The following RPS3 variants were observed in gnomAD, a reference collection of about 807,000 sequenced individuals.
RPS3 encodes the protein small ribosomal subunit protein uS3.
Under a neutral mutation model 25.8 loss-of-function variants are expected in RPS3, and 2 were observed. The observed-to-expected ratio is 0.08, with a 90% CI of 0.03 to 0.24. The LOEUF is 0.24. RPS3 is among the 10% of genes least tolerant of loss of function. The pLI, the probability that RPS3 is intolerant of heterozygous loss-of-function variation, is 1.00. For missense variants in RPS3, 107 were observed against 307.1 expected, an observed-to-expected ratio of 0.35 and a Z score of 4.87; for synonymous variants, 114 against 114.2, an observed-to-expected ratio of 1.00 and a Z score of 0.01.
intron 4 of RPS3, 152 bp downstream of exon 4, chr11:75,402,598 A>C (rs1948227776): frequency 2.7e-6 from 2 of 740,232 alleles, no homozygotes; most frequent in African/African-American, 3.5e-5. Context: ...GCCCTCACTG[A>C]ACTGGCAGGC....
intron 6 of RPS3, chr11:75,405,139 A>G (rs915709845): frequency 7.6e-6 from 2 of 263,824 alleles, no homozygotes; most frequent in African/African-American, 4.5e-5. Flanking sequence ...ATTTGCTCAA[A>G]ATTTTTGGCT....
rs1026828266 is a variant in RPS3 at position 75,404,976 on chromosome 11, T to A, written c.*3+108T>A. 1 of 762,048 alleles carries A rather than the reference T, an allele frequency of 1.3e-6. No homozygotes were observed. The highest frequency in any genetic ancestry group is 2.0e-6 in the Non-Finnish European group (1 of 492,926). The allele number at this position is 762,048 out of a possible 1,614,324, so 47.2% of individuals were successfully genotyped here. On this transcript the variant is annotated intron_variant, in intron 6 of 6. Coordinates refer to ENST00000531188, the MANE Select transcript of RPS3 (RefSeq NM_001005.5). The surrounding 1 kb of genome is among the most constrained non-coding windows in gnomAD (Gnocchi z 4.6). ...GGTAAGCGTTTGGTGAATAAAAATT[T>A]CATTTATTTGCTTTATGTGGGAGAA...
At position 75,404,429 on chromosome 11, in the gene RPS3, A is replaced by G. The variant is rs757584672; in HGVS notation, c.538+222A>G. 1.3e-6 allele frequency: 1 copy of G among 782,098 alleles called. No homozygotes were observed. Among genetic ancestry groups the G allele is most frequent in the East Asian group, 2.4e-5 (1 of 40,884 alleles). 48.4% of individuals were successfully genotyped at this position (782,098 alleles called of 1,614,324 possible). Reference sequence around the variant, plus strand: ...TTAGCCATCTGTGTACCCTTCAGTGATGACACGATGACGAGTCAGAAAGGT... The same window carrying G: ...TTAGCCATCTGTGTACCCTTCAGTGGTGACACGATGACGAGTCAGAAAGGT... On this transcript the variant is annotated intron_variant, in intron 5 of 6. Transcript: ENST00000531188. The surrounding 1 kb of genome is among the most constrained non-coding windows in gnomAD (Gnocchi z 4.6).
chr11:75,400,741 T>C lies in RPS3; in HGVS notation c.78T>C (p.Thr26=), dbSNP rs894688485. The C allele has an allele frequency of 6.2e-7, 1 of 1,613,376 alleles. No homozygotes were observed. The highest frequency in any genetic ancestry group is 1.1e-5 in the South Asian group (1 of 91,050). ...IFKAELNEFL[T]RELAEDGYSG... is the part of the protein sequence containing the mutation. ...AAGCTGAACTGAATGAGTTTCTTAC[T>C]CGGGAGCTGGCTGAAGATGGCTACT... The change falls in exon 2 of 7, where the codon ACT becomes ACC. Residue 26 remains threonine, a synonymous_variant. Transcript: ENST00000531188.
intron 1 of RPS3, chr11:75,400,420 C>G (rs748180397): frequency 2.5e-5 from 14 of 558,394 alleles, no homozygotes; most frequent in Non-Finnish European, 4.5e-5. Context: ...ACGAGTCTGA[C>G]TTGGGGATGT....
intron 1 of RPS3, 49 bp from the exon 2 acceptor site, chr11:75,400,645 T>G: frequency 1.2e-6 from 2 of 1,600,496 alleles, no homozygotes; most frequent in South Asian, 1.1e-5. Flanking sequence ...CAGGCGAAAG[T>G]GAGCCTACAC....
At chr11:75,401,888 C>A (rs1948214916) in intron 3 of RPS3, 155 bp downstream of exon 3, 2 of 604,580 alleles carry the variant, frequency 3.3e-6, no homozygotes, top group South Asian at 2.1e-5. Context: ...CTTTGTAAGC[C>A]TATTCTGCTA....
intron 2 of RPS3, among the ~76,000 whole-genome samples, chr11:75,401,309 C>T (rs1948206471): frequency 6.6e-6 from 1 of 152,098 alleles, no homozygotes; most frequent in Admixed American, 6.5e-5. Flanking sequence ...AATTCAAGAT[C>T]AGCCGGGGCA....
chr11:75,410,048 G>T (rs1467216381), downstream of RPS3, among the ~76,000 whole-genome samples: 1 of 144,558 alleles, frequency 6.9e-6, no homozygotes, highest in African/African-American at 2.6e-5. Flanking sequence ...CCCGGACGGG[G>T]CGGCTGGCCA....
chr11:75,408,634 G>T (rs528202950), downstream of RPS3, among the ~76,000 whole-genome samples: 1 of 152,252 alleles, frequency 6.6e-6, no homozygotes, highest in Admixed American at 6.5e-5. Flanking sequence ...CTGGAGTGCA[G>T]TAGCACAATC....
intron 1 of RPS3, chr11:75,399,790 G>A (rs1413203273): frequency 1.2e-5 from 7 of 569,918 alleles, no homozygotes; most frequent in Non-Finnish European, 2.2e-5. Flanking sequence ...AGCGCAGAGA[G>A]ATGGGCACCA....
At chr11:75,421,349 C>T (rs1370901899) in intron 6 of RPS3, among the ~76,000 whole-genome samples, 4 of 152,208 alleles carry the variant, frequency 2.6e-5, no homozygotes, top group Non-Finnish European at 5.9e-5. Flanking sequence ...GATCGCTCTT[C>T]TTCCAAAGGC....
downstream of RPS3, among the ~76,000 whole-genome samples, chr11:75,410,072 C>T: frequency 7.8e-6 from 1 of 127,654 alleles, no homozygotes; most frequent in African/African-American, 3.2e-5. Flanking sequence ...GGGGGGCTGA[C>T]CCCCCCCTCC....
Position 75,400,984 on chromosome 11 carries a change from G to A in RPS3, c.161+160G>A, listed in dbSNP as rs17887020. Among the ~76,000 whole-genome samples the A allele has an allele frequency of 1.2e-4, 18 of 152,234 alleles. No individual in the cohort carries two copies. The South Asian group carries it at 3.5e-3, about 30-fold the overall frequency. Reference sequence around the variant, plus strand: ...TGCAAGCTCCGCCTCCCGGGTTCACGCCATTCTCCTGCGTCAGCCTCCCGA... The same window carrying A: ...TGCAAGCTCCGCCTCCCGGGTTCACACCATTCTCCTGCGTCAGCCTCCCGA... On this transcript the variant is annotated intron_variant, in intron 2 of 6. Transcript: ENST00000531188.
Position 75,402,264 on chromosome 11 carries a change from G to A in RPS3, c.256-88G>A, listed in dbSNP as rs772532026. 313 of 1,585,314 alleles carry A rather than the reference G, an allele frequency of 2.0e-4. 1 individual carries two copies. Among genetic ancestry groups the A allele is most frequent in the Admixed American group, 1.0e-3 (60 of 59,534 alleles). On this transcript the variant is annotated intron_variant, in intron 3 of 6. Transcript: ENST00000531188. Reference sequence around the variant, plus strand: ...GGGTTGGGCAAGCTTGGTGTAGAAAGTGATACTTGTGTGGCAAATGCCAAA... The same window carrying A: ...GGGTTGGGCAAGCTTGGTGTAGAAAATGATACTTGTGTGGCAAATGCCAAA...
intron 4 of RPS3, chr11:75,403,366 T>C (rs925475161): frequency 2.0e-5 from 3 of 152,292 alleles, no homozygotes; most frequent in Non-Finnish European, 4.4e-5. Context: ...ATCTGTTATC[T>C]TCTAAGGTGG....
Position 75,405,817 on chromosome 11 carries a change from A to G in RPS3, c.*207A>G. 1 of 283,826 alleles carries G rather than the reference A, an allele frequency of 3.5e-6. No homozygotes were observed. Among genetic ancestry groups the G allele is most frequent in the Non-Finnish European group, 7.0e-6 (1 of 142,018 alleles). 17.6% of individuals were successfully genotyped at this position (283,826 alleles called of 1,614,324 possible). A position where few individuals can be genotyped will look rare whatever the true frequency, so the allele number is the denominator to read the frequency against. On this transcript the variant is annotated 3_prime_UTR_variant, in exon 7 of 7. Transcript: ENST00000531188. The stretch of plus-strand genomic sequence containing the variant: ...GGCCAGAACAGTAAGACCCAAGCAG[A>G]GCCAACCAGAGAAATAATATTTGTG...
chr11:75,402,531 G>C, intron 4 of RPS3, 85 bp downstream of exon 4: 1 of 1,388,806 alleles, frequency 7.2e-7, no homozygotes, highest in Non-Finnish European at 1.0e-6. Context: ...CAGATGAACT[G>C]TTACAAAGTT....
rs17883451 is a variant in RPS3, at chr11:75,401,597, C to T, written c.162-43C>T. ...ATATATGCAAGATTTAAAGTTACATCTAGCATTTGTGAGAATCTTGAATTG... is the reference window on the plus strand; with the variant it reads ...ATATATGCAAGATTTAAAGTTACATTTAGCATTTGTGAGAATCTTGAATTG... On this transcript the variant is annotated intron_variant, in intron 2 of 6. Coordinates refer to ENST00000531188, the MANE Select transcript of RPS3 (RefSeq NM_001005.5). 4,754 of 1,284,936 alleles carry T rather than the reference C, an allele frequency of 3.7e-3. 142 individuals carry two copies. In the African/African-American group the frequency reaches 0.06, roughly 16 times the overall value. 79.6% of individuals were successfully genotyped at this position (1,284,936 alleles called of 1,614,324 possible). A position where few individuals can be genotyped will look rare whatever the true frequency, so the allele number is the denominator to read the frequency against.
Sources: allele counts gnomAD v4.1 joint callset (sites outside exome capture counted in the v4.1 genomes callset), GRCh38; gene constraint gnomAD v4.1.1; non-coding constraint Gnocchi (gnomAD v3.1); transcripts MANE v1.5; gene names NCBI Gene and HGNC (gene_info 2026-07-23, HGNC 2026-07-21).